ZNF397: variants seen among roughly 807,000 people sequenced by gnomAD.
ZNF397 encodes zinc finger protein 397.
ZNF397 carries 38 observed loss-of-function variants against 50.6 expected under a neutral mutation model. That is an observed-to-expected ratio of 0.75 (90% CI 0.58 to 0.98). ZNF397 has a LOEUF of 0.98. Among genes scored for constraint, ZNF397 ranks in the 50% least tolerant of loss-of-function variants. The probability of loss-of-function intolerance (pLI) is 0.00; values close to 1 mark genes in which losing one functional copy is unlikely to be tolerated. For missense variants in ZNF397, 624 were observed against 624.1 expected, an observed-to-expected ratio of 1.00 and a Z score of 0.00; for synonymous variants, 228 against 215.2, an observed-to-expected ratio of 1.06 and a Z score of -0.52.
At chr18:35,259,156 T>C (rs1258421681), downstream of ZNF397, 3 of 152,100 alleles carry the variant, frequency 2.0e-5, no homozygotes, top group Non-Finnish European at 4.4e-5. Flanking sequence ...GCAGGTTTGG[T>C]TTCTTCTCTC....
At chr18:35,253,954 T>G, downstream of ZNF397, 1 of 1,614,138 alleles carries the variant, frequency 6.2e-7, no homozygotes, top group Non-Finnish European at 8.5e-7. Context: ...ATGCATAAGG[T>G]CTCTCTCCAG....
At chr18:35,252,457 A>G (rs976953306), downstream of ZNF397, 1 of 152,106 alleles carries the variant, frequency 6.6e-6, no homozygotes, top group African/African-American at 2.4e-5. Flanking sequence ...GCCCTGAGCT[A>G]TTATACTTGA....
chr18:35,242,405 C>T lies in ZNF397; in HGVS notation c.-66C>T. 1.4e-6 allele frequency: 2 copies of T among 1,480,106 alleles called. No homozygotes were observed. The highest frequency in any genetic ancestry group is 2.3e-5 in the East Asian group (1 of 43,978). 91.7% of individuals were successfully genotyped at this position (1,480,106 alleles called of 1,614,324 possible). On this transcript the variant is annotated 5_prime_UTR_variant, in exon 2 of 4. Coordinates refer to ENST00000330501, the MANE Select transcript of ZNF397 (RefSeq NM_001135178.3). Reference sequence around the variant, plus strand: ...ATATCCTTCAGGAAAGAAGAGATTACTCACACTCCTTCGCAAGCACAGAAC... The same window carrying T: ...ATATCCTTCAGGAAAGAAGAGATTATTCACACTCCTTCGCAAGCACAGAAC...
In ZNF397 at chr18:35,244,526, G is replaced by C. The variant is rs559061493; in HGVS notation, c.557-736G>C. On this transcript the variant is annotated intron_variant, in intron 3 of 3. Coordinates refer to ENST00000330501, the MANE Select transcript of ZNF397 (RefSeq NM_001135178.3). ...GAGTTTGTAGAGTAAGGATACATGAGAGCCCAAAACAGAATCTGGAGGAAC... is the reference window on the plus strand; with the variant it reads ...GAGTTTGTAGAGTAAGGATACATGACAGCCCAAAACAGAATCTGGAGGAAC... 7.9e-5 allele frequency among the ~76,000 whole-genome samples: 12 copies of C among 152,160 alleles called. No homozygotes were observed. In the South Asian group the frequency reaches 1.2e-3, roughly 16 times the overall value.
chr18:35,254,528 A>T (rs2043724173), downstream of ZNF397: 2 of 1,501,034 alleles, frequency 1.3e-6, no homozygotes, highest in South Asian at 2.4e-5. Flanking sequence ...GAATTCAGAG[A>T]AGTGGCCTGG....
Position 35,242,987 on chromosome 18 carries a change from T to C in ZNF397, c.414+103T>C, listed in dbSNP as rs765692772. The C allele has an allele frequency of 2.7e-6, 4 of 1,487,024 alleles. No homozygotes were observed. The South Asian group carries it at 5.4e-5, about 20-fold the overall frequency. The allele number at this position is 1,487,024 out of a possible 1,614,324, so 92.1% of individuals were successfully genotyped here. On this transcript the variant is annotated intron_variant, in intron 2 of 3. Coordinates refer to ENST00000330501, the MANE Select transcript of ZNF397 (RefSeq NM_001135178.3). ...AAATTTTTATGTCTCTACTGAACCC[T>C]AACCTGAAGTGACTAATAGAGCCAT...
At chr18:35,243,466 C>T (rs1025150549) in intron 3 of ZNF397, 173 bp downstream of exon 3, 8 of 810,278 alleles carry the variant, frequency 9.9e-6, no homozygotes, top group Non-Finnish European at 1.4e-5. Flanking sequence ...TTGCTGTCAG[C>T]CCTCCTGTGT....
In ZNF397 at chr18:35,245,286, C is replaced by G; in HGVS notation, c.581C>G (p.Thr194Arg). ...GATTGTGAGAACAGTGAAACAGCAA[C>G]AAAAGAGGGCATCTCAGAAGAAAAA... is the stretch of plus-strand genomic sequence containing the variant. ...KSDCENSETA[T>R]KEGISEEKSQ... Residue 194 changes from threonine (T) to arginine (R), a missense_variant, in exon 4 of 4, where the codon ACA becomes AGA. Coordinates refer to ENST00000330501, the MANE Select transcript of ZNF397 (RefSeq NM_001135178.3). The G allele has an allele frequency of 1.2e-6, 2 of 1,606,780 alleles. No homozygotes were observed. The highest frequency in any genetic ancestry group is 8.5e-7 in the Non-Finnish European group (1 of 1,175,344).
In ZNF397 at chr18:35,246,206, A is replaced by G; in HGVS notation, c.1501A>G (p.Arg501Gly). ...GAGCTCAGCCCTTGTTCAGCATCAG[A>G]GAATTCATTCTGGGGATGAAGCTTA... The part of the protein sequence containing the change: ...KRSSALVQHQ[R>G]IHSGDEAYIC... Residue 501 changes from arginine (R) to glycine (G), a missense_variant, in exon 4 of 4, where the codon AGA becomes GGA. Physicochemically the swap from Arg to Gly is moderately radical, Grantham distance 125. Transcript: ENST00000330501. 1.3e-6 allele frequency: 2 copies of G among 1,552,128 alleles called. No homozygotes were observed. The highest frequency in any genetic ancestry group is 1.4e-5 in the African/African-American group (1 of 73,172).
chr18:35,245,221 G>T, intron 3 of ZNF397, 41 bp from the exon 4 acceptor site: 1 of 1,518,764 alleles, frequency 6.6e-7, no homozygotes, highest in South Asian at 1.3e-5. Context: ...ACGGTGACAA[G>T]AGAAATGTAA....
At chr18:35,254,704 G>A, downstream of ZNF397, 3 of 385,998 alleles carry the variant, frequency 7.8e-6, no homozygotes, top group East Asian at 5.4e-5. Context: ...GGTTAGAGAA[G>A]ATACGTTTTT....
chr18:35,257,308 C>T (rs2043864176), intron 5 of ZNF397: 1 of 152,734 alleles, frequency 6.5e-6, no homozygotes, highest in Non-Finnish European at 1.5e-5. Context: ...TATGATGCCT[C>T]CTTCCCTCAG....
In ZNF397 at chr18:35,247,176, TG is replaced by T. The variant is rs2043496021; in HGVS notation, c.*868del. The T allele has an allele frequency of 1.0e-6, 1 of 985,314 alleles. No individual in the cohort carries two copies. The highest frequency in any genetic ancestry group is 4.7e-5 in the South Asian group (1 of 21,284). 61.0% of individuals were successfully genotyped at this position (985,314 alleles called of 1,614,324 possible). A position where few individuals can be genotyped will look rare whatever the true frequency, so the allele number is the denominator to read the frequency against. On this transcript the variant is annotated 3_prime_UTR_variant, in exon 4 of 4. Transcript: ENST00000330501. Reference sequence around the variant, plus strand: ...CTTGTCTGTCAGAGAAGTCTGGGTCTGGCCAGACTCTTAAGCAGTGCCAATG... The same window carrying T: ...CTTGTCTGTCAGAGAAGTCTGGGTCTGCCAGACTCTTAAGCAGTGCCAATG...
intron 1 of ZNF397, among the ~76,000 whole-genome samples, chr18:35,242,183 T>C (rs1912555158): frequency 1.3e-5 from 2 of 152,216 alleles, no homozygotes; most frequent in Admixed American, 1.3e-4. Flanking sequence ...AAATAGTTTT[T>C]TCTAACATTA....
Position 35,242,633 on chromosome 18 carries a change from A to G in ZNF397, c.163A>G (p.Lys55Glu). 1 of 1,614,244 alleles carries G rather than the reference A, an allele frequency of 6.2e-7. No homozygotes were observed. The highest frequency in any genetic ancestry group is 8.5e-7 in the Non-Finnish European group (1 of 1,180,046). The stretch of plus-strand genomic sequence containing the variant: ...AGAATTGTTTCGTCAGCAATTCAGA[A>G]AATTTTGCTACCAGGAGACACCTGG... ...CQELFRQQFR[K>E]FCYQETPGPR... Residue 55 changes from lysine (K) to glutamate (E), a missense_variant, in exon 2 of 4, where the codon AAA becomes GAA. Physicochemically the swap from Lys to Glu is moderately conservative, Grantham distance 56. Coordinates refer to ENST00000330501, the MANE Select transcript of ZNF397 (RefSeq NM_001135178.3).
rs766516031 is a variant in ZNF397 at position 35,245,905 on chromosome 18, T to A, written c.1200T>A (p.Asn400Lys). ...IHTGEKPYEC[N>K]ECGKTFSQSS... ...CTGGTGAGAAACCTTATGAGTGTAATGAATGTGGGAAAACCTTTAGCCAGA... is the reference window on the plus strand; with the variant it reads ...CTGGTGAGAAACCTTATGAGTGTAAAGAATGTGGGAAAACCTTTAGCCAGA... The change falls in exon 4 of 4, where the codon AAT (asparagine) becomes AAA (lysine). Residue 400 changes from asparagine (N) to lysine (K), a missense_variant. By Grantham distance (94) the Asn-to-Lys change is moderately conservative. Coordinates refer to ENST00000330501, the MANE Select transcript of ZNF397 (RefSeq NM_001135178.3). 2 of 1,566,824 alleles carry A rather than the reference T, an allele frequency of 1.3e-6. No individual in the cohort carries two copies. Among genetic ancestry groups the A allele is most frequent in the Middle Eastern group, 1.7e-4 (1 of 6,006 alleles).
chr18:35,245,122 T>A, intron 3 of ZNF397, 140 bp from the exon 4 acceptor site: 1 of 1,102,662 alleles, frequency 9.1e-7, no homozygotes, highest in Non-Finnish European at 1.2e-6. Context: ...AGAGAGACCC[T>A]CTTTTGGCCA....
At chr18:35,243,491 T>G (rs1008670578) in intron 3 of ZNF397, 198 bp downstream of exon 3, 1 of 678,754 alleles carries the variant, frequency 1.5e-6, no homozygotes, top group African/African-American at 1.8e-5. Context: ...TTCCCTGTTA[T>G]TCATTCATTC....
intron 5 of ZNF397, chr18:35,257,814 C>CTTCA (rs920513197): frequency 1.3e-6 from 1 of 770,704 alleles, no homozygotes; most frequent in African/African-American, 1.7e-5. Flanking sequence ...TGCAATTATG[C>CTTCA]TTCAGCGGCC....
Sources: allele counts gnomAD v4.1 joint callset (sites outside exome capture counted in the v4.1 genomes callset), GRCh38; gene constraint gnomAD v4.1.1; transcripts MANE v1.5; gene names NCBI Gene and HGNC (gene_info 2026-07-23, HGNC 2026-07-21).